TENM4: variants seen among roughly 807,000 people sequenced by gnomAD.
TENM4 encodes the protein teneurin-4.
A neutral mutation model predicts 243.3 loss-of-function variants in TENM4; 82 were observed. The observed-to-expected ratio is 0.34, with a 90% CI of 0.28 to 0.40. TENM4 has a LOEUF of 0.40. TENM4 is among the 10% of genes least tolerant of loss of function. The pLI is 1.00. For missense variants in TENM4, 3,138 were observed against 3,673.3 expected, an observed-to-expected ratio of 0.85 and a Z score of 3.77; for synonymous variants, 1,412 against 1,456.3, an observed-to-expected ratio of 0.97 and a Z score of 0.69.
chr11:78,777,233 C>A (rs769808291), intron 17 of TENM4, among the ~76,000 whole-genome samples: 16 of 152,118 alleles, frequency 1.1e-4, no homozygotes, highest in Non-Finnish European at 2.1e-4. Context: ...CTCTTTCTTG[C>A]TGGAATGATT....
intron 2 of TENM4, among the ~76,000 whole-genome samples, chr11:79,294,947 T>C (rs755679302): frequency 6.6e-6 from 1 of 152,168 alleles, no homozygotes; most frequent in Non-Finnish European, 1.5e-5. Context: ...GGAGCCAGCA[T>C]CTTCTATGTA....
chr11:78,817,776 T>G (rs2136113938), intron 12 of TENM4, among the ~76,000 whole-genome samples: 1 of 152,346 alleles, frequency 6.6e-6, no homozygotes, highest in South Asian at 2.1e-4. Context: ...CTTCCAGGTG[T>G]TGTCCTGCTA....
intron 14 of TENM4, among the ~76,000 whole-genome samples, chr11:78,810,527 G>A (rs1857476055): frequency 6.6e-6 from 1 of 152,134 alleles, no homozygotes; most frequent in African/African-American, 2.4e-5. Flanking sequence ...AAAAGGGACA[G>A]CAGATGAAGG....
Position 78,662,665 on chromosome 11 carries a change from G to A in TENM4, c.7409-1074C>T, listed in dbSNP as rs1190051340. 2.0e-5 allele frequency among the ~76,000 whole-genome samples: 3 copies of A among 152,168 alleles called. No homozygotes were observed. In the South Asian group the frequency reaches 6.2e-4, roughly 32 times the overall value. ...GAATGGAATCAGGAAGCCAAGACAT[G>A]AGGAAATGAAGAGGACCAGTCACCT... On this transcript the variant is annotated intron_variant, in intron 32 of 33. Transcript: ENST00000278550.
intron 9 of TENM4, among the ~76,000 whole-genome samples, chr11:78,874,622 A>G (rs1859219892): frequency 6.6e-6 from 1 of 152,138 alleles, no homozygotes; most frequent in Admixed American, 6.5e-5. Flanking sequence ...TTATCCTAAA[A>G]TTTTCATTTA....
intron 6 of TENM4, among the ~76,000 whole-genome samples, chr11:78,927,363 A>C (rs1192003959): frequency 1.3e-5 from 2 of 152,258 alleles, no homozygotes; most frequent in Non-Finnish European, 2.9e-5. Flanking sequence ...TTGTAAGGAA[A>C]GTAGCTGGCT....
At chr11:79,410,569 C>A (rs1858678318) in intron 1 of TENM4, among the ~76,000 whole-genome samples, 2 of 152,142 alleles carry the variant, frequency 1.3e-5, no homozygotes. Context: ...CCATCTTTTT[C>A]CCAGAATATA....
At chr11:78,872,317 C>A (rs1201466824) in intron 9 of TENM4, among the ~76,000 whole-genome samples, 2 of 152,194 alleles carry the variant, frequency 1.3e-5, no homozygotes, top group Non-Finnish European at 2.9e-5. Flanking sequence ...GGTGCTTAAA[C>A]CTAGTACAAT....
chr11:78,925,856 A>G (rs1412911455), intron 6 of TENM4, among the ~76,000 whole-genome samples: 1 of 149,550 alleles, frequency 6.7e-6, no homozygotes, highest in Non-Finnish European at 1.5e-5. Flanking sequence ...TAAGGCAAAG[A>G]AAAAAAAAAG....
At chr11:79,197,394 C>A (rs1287800355) in intron 3 of TENM4, among the ~76,000 whole-genome samples, 1 of 151,536 alleles carries the variant, frequency 6.6e-6, no homozygotes, top group Non-Finnish European at 1.5e-5. Flanking sequence ...TCAGTGGAAC[C>A]AGAACCAAAA....
chr11:78,692,733 C>T (rs1281946852), intron 28 of TENM4, among the ~76,000 whole-genome samples: 2 of 152,178 alleles, frequency 1.3e-5, no homozygotes, highest in African/African-American at 4.8e-5. Flanking sequence ...CTTCTTCTCC[C>T]TGTATCTGCT....
chr11:79,327,734 T>C (rs1015806366), intron 1 of TENM4, among the ~76,000 whole-genome samples: 35 of 140,982 alleles, frequency 2.5e-4, no homozygotes, highest in East Asian at 2.2e-4. Flanking sequence ...TGGAAAAACA[T>C]AGTGGCGAAA....
At chr11:78,676,069 G>C (rs1858460754) in intron 30 of TENM4, 83 bp downstream of exon 30, 1 of 1,303,466 alleles carries the variant, frequency 7.7e-7, no homozygotes, top group Non-Finnish European at 1.0e-6. Flanking sequence ...TGAGGTCCCA[G>C]GGAATTTCAA....
chr11:79,110,740 G>A (rs1004756396), intron 4 of TENM4, among the ~76,000 whole-genome samples: 12 of 152,180 alleles, frequency 7.9e-5, no homozygotes, highest in African/African-American at 2.7e-4. Flanking sequence ...AGGATGGATG[G>A]CATGGGTCTG....
intron 4 of TENM4, among the ~76,000 whole-genome samples, chr11:79,079,351 C>T (rs541126870): frequency 1.3e-5 from 2 of 152,324 alleles, no homozygotes; most frequent in African/African-American, 4.8e-5. Context: ...AGGGCTCCCC[C>T]CAGAGCTGCC....
chr11:79,125,114 A>G (rs1861846439), intron 4 of TENM4, among the ~76,000 whole-genome samples: 1 of 151,936 alleles, frequency 6.6e-6, no homozygotes, highest in African/African-American at 2.4e-5. Flanking sequence ...TCCTGTGGAG[A>G]ACACTGATAG....
chr11:79,149,565 A>T (rs548970069), intron 3 of TENM4, among the ~76,000 whole-genome samples: 1 of 152,088 alleles, frequency 6.6e-6, no homozygotes, highest in Non-Finnish European at 1.5e-5. Flanking sequence ...AAAACATCTC[A>T]TCTTTCTGTT....
In TENM4 at chr11:78,669,545, T is replaced by C; in HGVS notation, c.6800A>G (p.Asp2267Gly). Residue 2267 changes from aspartate to glycine, a missense_variant, in exon 32 of 34, where the codon GAT (aspartate) becomes GGT (glycine). Asp to Gly is a moderately conservative substitution (Grantham distance 94). Around this residue, in one of 2 missense-constraint regions of TENM4, gnomAD observed 2,467 missense variants for 3,059.1 expected, o/e 0.81. Coordinates refer to ENST00000278550, the MANE Select transcript of TENM4 (RefSeq NM_001098816.3). The surrounding 1 kb of genome is among the most constrained non-coding windows in gnomAD (Gnocchi z 6.4). Reference protein sequence around the residue: ...EDGFLRQRGGDIFEYNSAGLL... With the variant: ...EDGFLRQRGGGIFEYNSAGLL... ...GCCAGCTGAGTTGTACTCAAAGATA[T>C]CACCGCCCCGCTGCCTCAGGAAGCC... 6.2e-7 allele frequency: 1 copy of C among 1,613,908 alleles called. No individual in the cohort carries two copies. Among genetic ancestry groups the C allele is most frequent in the Non-Finnish European group, 8.5e-7 (1 of 1,179,870 alleles).
chr11:79,211,123 G>A (rs1863946720), intron 3 of TENM4, among the ~76,000 whole-genome samples: 1 of 152,112 alleles, frequency 6.6e-6, no homozygotes, highest in African/African-American at 2.4e-5. Flanking sequence ...TGGAAAGATG[G>A]TAAGAAAGGC....
Sources: gnomAD v4.1 joint callset for allele counts (sites outside exome capture counted in the v4.1 genomes callset) on GRCh38, gnomAD v4.1.1 for gene constraint, gnomAD v4.1.1 regional missense constraint, Gnocchi (gnomAD v3.1) non-coding constraint, MANE v1.5 for transcripts, NCBI Gene and HGNC (gene_info 2026-07-23, HGNC 2026-07-21) for gene names.